HS3ST4: variants seen among roughly 807,000 people sequenced by gnomAD.
The protein encoded by HS3ST4 is heparan sulfate-glucosamine 3-sulfotransferase 4.
A neutral mutation model predicts 29.2 loss-of-function variants in HS3ST4; 17 were observed. That is an observed-to-expected ratio of 0.58 (90% CI 0.40 to 0.87). The LOEUF (loss-of-function observed/expected upper bound fraction) is 0.87. Among genes scored for constraint, HS3ST4 ranks in the 40% least tolerant of loss-of-function variants. The pLI, the probability that HS3ST4 is intolerant of heterozygous loss-of-function variation, is 0.00. For missense variants in HS3ST4, 627 were observed against 634.5 expected (o/e 0.99, Z 0.13); for synonymous variants, 314 against 285.7 (o/e 1.10, Z -1.00).
At chr16:25,954,808 TA>T (rs947978559) in intron 1 of HS3ST4, among the ~76,000 whole-genome samples, 2 of 151,676 alleles carry the variant, frequency 1.3e-5, no homozygotes, top group African/African-American at 4.8e-5. Context: ...TATTCCAAAA[TA>T]AAAAAAAATC....
At chr16:25,842,775 C>T (rs1967429038) in intron 1 of HS3ST4, among the ~76,000 whole-genome samples, 1 of 152,132 alleles carries the variant, frequency 6.6e-6, no homozygotes, top group Non-Finnish European at 1.5e-5. Context: ...TATAATCAGT[C>T]TATTCCTGGG....
In HS3ST4 at chr16:25,860,089, G is replaced by A. The variant is rs186134440; in HGVS notation, c.734+166938G>A. ...ACCTGAGGTGGAACAGTTTCATCCC[G>A]AAACCATCCTCCTACCCCATTCCTG... On this transcript the variant is annotated intron_variant, in intron 1 of 1. Coordinates refer to ENST00000331351, the MANE Select transcript of HS3ST4 (RefSeq NM_006040.3). Among the ~76,000 whole-genome samples, 138 of 152,230 alleles carry A rather than the reference G, an allele frequency of 9.1e-4. 1 individual carries two copies. Among genetic ancestry groups the A allele is most frequent in the Non-Finnish European group, 1.6e-3 (107 of 68,004 alleles).
intron 1 of HS3ST4, among the ~76,000 whole-genome samples, chr16:25,843,565 G>T (rs147101922): frequency 5.2e-4 from 79 of 152,322 alleles, no homozygotes; most frequent in African/African-American, 1.8e-3. Context: ...ATACCAGGAG[G>T]CATGGTTCAT....
chr16:25,797,525 G>A (rs904295347), intron 1 of HS3ST4, among the ~76,000 whole-genome samples: 2 of 152,108 alleles, frequency 1.3e-5, no homozygotes, highest in African/African-American at 4.8e-5. Flanking sequence ...GCTAGCAAGG[G>A]CACATGTTAG....
chr16:25,692,892 A>G lies in HS3ST4; in HGVS notation c.475A>G (p.Arg159Gly), dbSNP rs1156937392. ...CACGGCTCAGAGCGCGCTGCCGGAG[A>G]GGGAAGCGCAGGAGTCCAGCACCAC... Reference protein sequence around the residue: ...MITAQSALPEREAQESSTTDE... With the variant: ...MITAQSALPEGEAQESSTTDE... The change falls in exon 1 of 2, where the codon AGG (arginine) becomes GGG (glycine). Residue 159 changes from arginine (R) to glycine (G), a missense_variant. Physicochemically the swap from Arg to Gly is moderately radical, Grantham distance 125 (BLOSUM62 -2). Around this residue, in one of 2 missense-constraint regions of HS3ST4, gnomAD observed 402 missense variants for 340.8 expected, o/e 1.18. Coordinates refer to ENST00000331351, the MANE Select transcript of HS3ST4 (RefSeq NM_006040.3). The G allele has an allele frequency of 1.3e-6, 2 of 1,569,630 alleles. No individual in the cohort carries two copies. The highest frequency in any genetic ancestry group is 1.9e-5 in the Admixed American group (1 of 53,972).
At chr16:25,748,304 A>T (rs1415579381) in intron 1 of HS3ST4, among the ~76,000 whole-genome samples, 1 of 152,066 alleles carries the variant, frequency 6.6e-6, no homozygotes, top group East Asian at 1.9e-4. Flanking sequence ...AATTGACATG[A>T]TGCTTATTTT....
chr16:25,962,560 T>C (rs531944136), intron 1 of HS3ST4, among the ~76,000 whole-genome samples: 23 of 152,348 alleles, frequency 1.5e-4, no homozygotes, highest in South Asian at 1.2e-3. Context: ...TTCTTGCTTA[T>C]ACTAACTGAT....
At chr16:26,126,668 C>T (rs1899348254) in intron 1 of HS3ST4, among the ~76,000 whole-genome samples, 11 of 152,072 alleles carry the variant, frequency 7.2e-5, no homozygotes, top group Admixed American at 7.2e-4. Context: ...CATTTGGACC[C>T]CTGAGGGGGA....
At chr16:26,096,025 G>C (rs1450119289) in intron 1 of HS3ST4, among the ~76,000 whole-genome samples, 2 of 152,116 alleles carry the variant, frequency 1.3e-5, no homozygotes, top group Non-Finnish European at 2.9e-5. Context: ...AGAAGAAATG[G>C]ATAAATTCCT....
At chr16:25,858,278 T>A (rs1596593185) in intron 1 of HS3ST4, among the ~76,000 whole-genome samples, 1 of 152,086 alleles carries the variant, frequency 6.6e-6, no homozygotes, top group East Asian at 1.9e-4. Context: ...CATCTTTCAC[T>A]CGTTCATAGA....
intron 1 of HS3ST4, among the ~76,000 whole-genome samples, chr16:25,979,003 T>G (rs1968975379): frequency 6.9e-6 from 1 of 145,720 alleles, no homozygotes; most frequent in Non-Finnish European, 1.5e-5. Flanking sequence ...GTTCAAGCGA[T>G]TCTCCTGCTT....
At chr16:25,726,695 C>A (rs544337050) in intron 1 of HS3ST4, among the ~76,000 whole-genome samples, 9 of 152,282 alleles carry the variant, frequency 5.9e-5, no homozygotes, top group Non-Finnish European at 1.3e-4. Context: ...GAATCTCAGT[C>A]ACAGATGAAA....
intron 1 of HS3ST4, among the ~76,000 whole-genome samples, chr16:26,027,666 A>C (rs372318558): frequency 1.6e-4 from 24 of 152,222 alleles, no homozygotes; most frequent in East Asian, 1.5e-3. Flanking sequence ...TTATACAACT[A>C]CTAACTGTTA....
At chr16:26,048,140 T>G (rs918601707) in intron 1 of HS3ST4, among the ~76,000 whole-genome samples, 2 of 152,216 alleles carry the variant, frequency 1.3e-5, no homozygotes, top group Non-Finnish European at 2.9e-5. Context: ...TGTGTCTTCA[T>G]CTCCTCTTCT....
At chr16:25,998,267 C>T (rs1969174344) in intron 1 of HS3ST4, among the ~76,000 whole-genome samples, 1 of 150,842 alleles carries the variant, frequency 6.6e-6, no homozygotes, top group Non-Finnish European at 1.5e-5. Flanking sequence ...GGCAACAAAG[C>T]AAGACCCTGT....
At chr16:26,085,574 T>A (rs148348723) in intron 1 of HS3ST4, among the ~76,000 whole-genome samples, 2 of 152,202 alleles carry the variant, frequency 1.3e-5, no homozygotes, top group East Asian at 1.9e-4. Context: ...AAATAGCTGA[T>A]TAAAAGTCAG....
chr16:25,926,461 A>T (rs1968403960), intron 1 of HS3ST4, among the ~76,000 whole-genome samples: 1 of 152,268 alleles, frequency 6.6e-6, no homozygotes, highest in African/African-American at 2.4e-5. Flanking sequence ...AGACCAGAAC[A>T]GTCTGTGTAT....
At chr16:25,802,580 C>T (rs1355885853) in intron 1 of HS3ST4, among the ~76,000 whole-genome samples, 1 of 152,042 alleles carries the variant, frequency 6.6e-6, no homozygotes, top group Non-Finnish European at 1.5e-5. Flanking sequence ...TCTGCTTATA[C>T]TTGCAGATTA....
At chr16:26,116,388 C>T (rs1003056410) in intron 1 of HS3ST4, among the ~76,000 whole-genome samples, 1 of 152,184 alleles carries the variant, frequency 6.6e-6, no homozygotes, top group African/African-American at 2.4e-5. Flanking sequence ...AAGCAAGTCC[C>T]TGATCACACC....
Sources: allele counts gnomAD v4.1 joint callset (sites outside exome capture counted in the v4.1 genomes callset), GRCh38; gene constraint gnomAD v4.1.1; regional missense constraint gnomAD v4.1.1; transcripts MANE v1.5; gene names NCBI Gene and HGNC (gene_info 2026-07-23, HGNC 2026-07-21).